SRBD1: variants seen among roughly 807,000 people sequenced by gnomAD.
SRBD1 encodes S1 RNA-binding domain-containing protein 1.
Under a neutral mutation model 115.3 loss-of-function variants are expected in SRBD1, and 88 were observed. The observed-to-expected ratio is 0.76, with a 90% confidence interval of 0.64 to 0.91. The LOEUF is 0.91. Among genes scored for constraint, SRBD1 ranks in the 40% least tolerant of loss-of-function variants. SRBD1 has a pLI of 0.00. For missense variants in SRBD1, 1,385 were observed against 1,177.4 expected (o/e 1.18, Z -2.58); for synonymous variants, 509 against 407.7 (o/e 1.25, Z -2.99).
At chr2:45,571,026 G>A (rs1159848566) in intron 9 of SRBD1, among the ~76,000 whole-genome samples, 2 of 152,106 alleles carry the variant, frequency 1.3e-5, no homozygotes, top group African/African-American at 4.8e-5. Flanking sequence ...GATATTTGAG[G>A]GAAAAGGGGC....
chr2:45,589,973 G>A (rs1189550709), intron 4 of SRBD1, among the ~76,000 whole-genome samples: 1 of 152,190 alleles, frequency 6.6e-6, no homozygotes, highest in Non-Finnish European at 1.5e-5. Flanking sequence ...CACAGGAAAG[G>A]TGGAAACATC....
At chr2:45,482,838 G>A (rs1026884346) in intron 15 of SRBD1, among the ~76,000 whole-genome samples, 1 of 151,966 alleles carries the variant, frequency 6.6e-6, no homozygotes, top group East Asian at 1.9e-4. Flanking sequence ...AGTACCATTT[G>A]CATAGAACCT....
chr2:45,447,188 C>G (rs150512698), intron 16 of SRBD1: 1 of 152,394 alleles, frequency 6.6e-6, no homozygotes, highest in African/African-American at 2.4e-5. Flanking sequence ...CAGTGGCTCA[C>G]GCCTGTAATC....
At chr2:45,485,051 A>C (rs1670077111) in intron 15 of SRBD1, among the ~76,000 whole-genome samples, 2 of 152,330 alleles carry the variant, frequency 1.3e-5, no homozygotes, top group African/African-American at 4.8e-5. Context: ...CTTGTGTACA[A>C]GTATTTTGGT....
intron 9 of SRBD1, among the ~76,000 whole-genome samples, chr2:45,564,578 AAATT>A (rs1455140118): frequency 6.6e-6 from 1 of 152,210 alleles, no homozygotes; most frequent in Non-Finnish European, 1.5e-5. Flanking sequence ...TCAACAAATA[AAATT>A]AATTTATACA....
Position 45,557,065 on chromosome 2 carries a change from T to G in SRBD1, c.1410-3335A>C, listed in dbSNP as rs992542442. 3.3e-5 allele frequency among the ~76,000 whole-genome samples: 5 copies of G among 152,082 alleles called. No homozygotes were observed. The South Asian group carries it at 1.0e-3, about 31-fold the overall frequency. On this transcript the variant is annotated intron_variant, in intron 10 of 20. Coordinates refer to ENST00000263736, the MANE Select transcript of SRBD1 (RefSeq NM_018079.5). ...GAATAAGGGCATTCTGGGAAGAAAT[T>G]ATAGCATATGTAAAAGCTTAGAGGC...
intron 14 of SRBD1, among the ~76,000 whole-genome samples, chr2:45,537,537 G>A (rs984588723): frequency 2.0e-5 from 3 of 152,082 alleles, no homozygotes; most frequent in African/African-American, 4.8e-5. Flanking sequence ...AGGAGTAATG[G>A]GATGTTTTTG....
chr2:45,487,287 A>T (rs1670150808), intron 15 of SRBD1, among the ~76,000 whole-genome samples: 1 of 152,162 alleles, frequency 6.6e-6, no homozygotes, highest in South Asian at 2.1e-4. Context: ...TATACAGAAA[A>T]ATGCACTGAC....
intron 9 of SRBD1, 28 bp from the exon 10 acceptor site, chr2:45,562,784 A>G (rs1672711827): frequency 6.8e-7 from 1 of 1,479,358 alleles, no homozygotes; most frequent in Admixed American, 2.0e-5. Context: ...GCAAAGACTA[A>G]TAATCCACAA....
chr2:45,580,676 C>CTT lies in SRBD1; in HGVS notation c.934-665_934-664dup, dbSNP rs369067711. Among the ~76,000 whole-genome samples the CTT allele has an allele frequency of 2.7e-3, 210 of 76,402 alleles. 28 individuals are homozygous for CTT. Among genetic ancestry groups the CTT allele is most frequent in the African/African-American group, 9.6e-3 (151 of 15,788 alleles). The allele number at this position is 76,402 out of a possible 152,430, so 50.1% of individuals were successfully genotyped here. ...ACCTGGCCGGTCAATTCTTCTACTT[C>CTT]TTTTTTTTTTTTTTTTTTTTTTTTT... On this transcript the variant is annotated intron_variant, in intron 6 of 20. Transcript: ENST00000263736.
chr2:45,509,379 G>A (rs1670893273), intron 14 of SRBD1, among the ~76,000 whole-genome samples: 1 of 152,078 alleles, frequency 6.6e-6, no homozygotes, highest in African/African-American at 2.4e-5. Flanking sequence ...GGCGGATCAT[G>A]AGGTCAGGAG....
chr2:45,540,788 G>C (rs1177627890), intron 14 of SRBD1, among the ~76,000 whole-genome samples: 4 of 152,196 alleles, frequency 2.6e-5, no homozygotes, highest in Admixed American at 1.3e-4. Flanking sequence ...TTAATCACTA[G>C]GAAAATGCAG....
intron 19 of SRBD1, among the ~76,000 whole-genome samples, chr2:45,406,381 T>C (rs1667437751): frequency 6.6e-6 from 1 of 152,150 alleles, no homozygotes; most frequent in African/African-American, 2.4e-5. Context: ...GTAAAAGGAA[T>C]TTAGAATAGA....
At chr2:45,549,017 T>C (rs571052517) in intron 12 of SRBD1, 6 of 152,204 alleles carry the variant, frequency 3.9e-5, no homozygotes, top group Non-Finnish European at 7.3e-5. Flanking sequence ...ACAGTCAGTT[T>C]GAGAACAGGA....
chr2:45,585,582 G>A, intron 5 of SRBD1, 26 bp downstream of exon 5: 1 of 1,597,596 alleles, frequency 6.3e-7, no homozygotes, highest in African/African-American at 1.4e-5. Context: ...CCTTACACTA[G>A]GCTTATTCTT....
At chr2:45,468,756 G>A (rs1054426541) in intron 16 of SRBD1, among the ~76,000 whole-genome samples, 1 of 152,094 alleles carries the variant, frequency 6.6e-6, no homozygotes, top group Admixed American at 6.6e-5. Flanking sequence ...TATACATTCT[G>A]CAACAGAATT....
Position 45,581,820 on chromosome 2 carries a change from G to A in SRBD1, c.816-10C>T. 2 of 1,595,740 alleles carry A rather than the reference G, an allele frequency of 1.3e-6. No homozygotes were observed. The highest frequency in any genetic ancestry group is 1.7e-6 in the Non-Finnish European group (2 of 1,168,380). ...TTTCTTTGCAACAGCCCTGAAAAGA[G>A]AAACTTTTGTAATATACCAAAACTG... is the stretch of plus-strand genomic sequence containing the variant. On this transcript the variant is annotated splice_polypyrimidine_tract_variant and intron_variant, in intron 5 of 20. Transcript: ENST00000263736.
intron 19 of SRBD1, among the ~76,000 whole-genome samples, chr2:45,397,965 T>A (rs1287228253): frequency 2.0e-5 from 3 of 152,206 alleles, no homozygotes; most frequent in Non-Finnish European, 4.4e-5. Flanking sequence ...TAACAATCTA[T>A]GCTGGTGCAA....
intron 16 of SRBD1, among the ~76,000 whole-genome samples, chr2:45,453,085 C>T (rs895091595): frequency 6.6e-6 from 1 of 151,760 alleles, no homozygotes; most frequent in Non-Finnish European, 1.5e-5. Flanking sequence ...TGAAAGAATT[C>T]TAGCAGGGCC....
Sources: allele counts gnomAD v4.1 joint callset (sites outside exome capture counted in the v4.1 genomes callset), GRCh38; gene constraint gnomAD v4.1.1; transcripts MANE v1.5; gene names NCBI Gene and HGNC (gene_info 2026-07-23, HGNC 2026-07-21).